RO60: variants seen among roughly 807,000 people sequenced by gnomAD.
RO60 encodes RNA-binding protein RO60.
In RO60, 20 loss-of-function variants were observed where a neutral mutation model predicts 55.3. The observed-to-expected ratio is 0.36, with a 90% CI of 0.25 to 0.53. The LOEUF is 0.53. RO60 is among the 20% of genes least tolerant of loss of function. The probability of loss-of-function intolerance (pLI) is 0.92; values close to 1 mark genes in which losing one functional copy is unlikely to be tolerated. For missense variants in RO60, 558 were observed against 646.6 expected (o/e 0.86, Z 1.49); for synonymous variants, 213 against 213.6 (o/e 1.00, Z 0.02).
At chr1:193,081,987 A>G (rs1674346046) in intron 6 of RO60, among the ~76,000 whole-genome samples, 199 bp from the exon 7 acceptor site, 1 of 152,176 alleles carries the variant, frequency 6.6e-6, no homozygotes, top group African/African-American at 2.4e-5. Flanking sequence ...TATTTGCTTC[A>G]AAGGATAGTC....
rs780253757 is a variant in RO60, at chr1:193,069,121, T to G, written c.67T>G (p.Tyr23Asp). ...EKQIANSQDG[Y>D]VWQVTDMNRL... ...GCAGATAGCCAATTCTCAGGATGGATATGTATGGCAAGTCACTGACATGAA... is the reference window on the plus strand; with the variant it reads ...GCAGATAGCCAATTCTCAGGATGGAGATGTATGGCAAGTCACTGACATGAA... Residue 23 changes from tyrosine to aspartate, a missense_variant, in exon 2 of 9, where the codon TAT (tyrosine) becomes GAT (aspartate). Coordinates refer to ENST00000400968, the MANE Select transcript of RO60 (RefSeq NM_001173524.2). 9 of 1,614,196 alleles carry G rather than the reference T, an allele frequency of 5.6e-6. No individual in the cohort carries two copies. The highest frequency in any genetic ancestry group is 7.6e-6 in the Non-Finnish European group (9 of 1,180,036).
rs927105647 is a variant in RO60 at position 193,085,543 on chromosome 1, CACTGTTTTTCAT to C, written c.*816_*827del. ...AATAACATAGCCAGATGTAGTCTCA[CACTGTTTTTCAT>C]ACTCTTAAGTGTAAATAATATAAAA... On this transcript the variant is annotated 3_prime_UTR_variant, in exon 9 of 9. Coordinates refer to ENST00000400968, the MANE Select transcript of RO60 (RefSeq NM_001173524.2). The C allele has an allele frequency of 7.1e-6, 7 of 984,530 alleles. No individual in the cohort carries two copies. Among genetic ancestry groups the C allele is most frequent in the Non-Finnish European group, 7.2e-6 (6 of 829,576 alleles). 61.0% of individuals were successfully genotyped at this position (984,530 alleles called of 1,614,324 possible).
At chr1:193,071,346 C>T (rs1356908641) in intron 2 of RO60, among the ~76,000 whole-genome samples, 3 of 152,196 alleles carry the variant, frequency 2.0e-5, no homozygotes, top group Non-Finnish European at 4.4e-5. Flanking sequence ...ACATATATTA[C>T]TGTGTTTCAC....
At chr1:193,081,332 T>C in intron 5 of RO60, 32 bp from the exon 6 acceptor site, 1 of 1,238,212 alleles carries the variant, frequency 8.1e-7, no homozygotes, top group Non-Finnish European at 1.2e-6. Context: ...ATTTCTGTTA[T>C]GCTTTTAATG....
Position 193,069,178 on chromosome 1 carries a change from G to A in RO60, c.124G>A (p.Glu42Lys), listed in dbSNP as rs1673313940. 1.2e-6 allele frequency: 2 copies of A among 1,614,238 alleles called. No homozygotes were observed. Among genetic ancestry groups the A allele is most frequent in the East Asian group, 2.2e-5 (1 of 44,890 alleles). The stretch of plus-strand genomic sequence containing the variant: ...ACACCGGTTCTTATGTTTCGGTTCT[G>A]AAGGTGGGACTTATTATATCAAAGA... Reference protein sequence around the residue: ...RLHRFLCFGSEGGTYYIKEQK... With the variant: ...RLHRFLCFGSKGGTYYIKEQK... Residue 42 changes from glutamate (E) to lysine (K), a missense_variant, in exon 2 of 9, where the codon GAA (glutamate) becomes AAA (lysine). By Grantham distance (56) the Glu-to-Lys change is moderately conservative. Coordinates refer to ENST00000400968, the MANE Select transcript of RO60 (RefSeq NM_001173524.2).
In RO60 at chr1:193,085,610, A is replaced by G; in HGVS notation, c.*879A>G. 1.0e-6 allele frequency: 1 copy of G among 984,566 alleles called. No individual in the cohort carries two copies. The highest frequency in any genetic ancestry group is 1.2e-6 in the Non-Finnish European group (1 of 829,194). The allele number at this position is 984,566 out of a possible 1,614,324, so 61.0% of individuals were successfully genotyped here. On this transcript the variant is annotated 3_prime_UTR_variant, in exon 9 of 9. Transcript: ENST00000400968. ...TCAAGCGCTTAACTCCCCCTCATTC[A>G]CAAAGTATAACAATTAAAATCTCAA...
At chr1:193,063,495 C>T (rs182095488) in intron 1 of RO60, among the ~76,000 whole-genome samples, 1,738 of 152,164 alleles carry the variant, frequency 0.011, 21 homozygotes, top group Non-Finnish European at 0.017. Flanking sequence ...CAAATATTTT[C>T]CTTTTTCTTG....
At position 193,084,112 on chromosome 1, in the gene RO60, T is replaced by C. The variant is rs546667749; in HGVS notation, c.1465-467T>C. Among the ~76,000 whole-genome samples, 46 of 152,354 alleles carry C rather than the reference T, an allele frequency of 3.0e-4. 1 individual carries two copies. The South Asian group carries it at 8.1e-3, about 27-fold the overall frequency. On this transcript the variant is annotated intron_variant, in intron 8 of 8. Coordinates refer to ENST00000400968, the MANE Select transcript of RO60 (RefSeq NM_001173524.2). ...TTTCTCAAAAATTCAATTATTTTAA[T>C]CTTACATTTAGCTGTAGAGGACAAG...
chr1:193,069,605 G>T lies in RO60; in HGVS notation c.551G>T (p.Arg184Ile). The T allele has an allele frequency of 6.2e-7, 1 of 1,613,498 alleles. No homozygotes were observed. Among genetic ancestry groups the T allele is most frequent in the African/African-American group, 1.3e-5 (1 of 75,008 alleles). ...GGCTGGTCTCACAAAGATCTATTAAGATTGTCACATCTTAAACCTTCCAGT... is the reference window on the plus strand; with the variant it reads ...GGCTGGTCTCACAAAGATCTATTAATATTGTCACATCTTAAACCTTCCAGT... ...RNGWSHKDLL[R>I]LSHLKPSSEG... is the part of the protein sequence containing the mutation. Residue 184 changes from arginine (R) to isoleucine (I), a missense_variant, in exon 2 of 9, where the codon AGA (arginine) becomes ATA (isoleucine). Arg to Ile is a moderately conservative substitution (Grantham distance 97). Transcript: ENST00000400968.
At chr1:193,062,722 A>G (rs946234437) in intron 1 of RO60, among the ~76,000 whole-genome samples, 1 of 152,154 alleles carries the variant, frequency 6.6e-6, no homozygotes, top group South Asian at 2.1e-4. Context: ...AGACTAATGT[A>G]CTTTTTATTT....
In RO60 at chr1:193,086,085, T is replaced by C. The variant is rs1048051234; in HGVS notation, c.*1354T>C. 1.1e-5 allele frequency: 10 copies of C among 943,046 alleles called. No individual in the cohort carries two copies. In the Admixed American group the frequency reaches 1.9e-4, roughly 17 times the overall value. 58.4% of individuals were successfully genotyped at this position (943,046 alleles called of 1,614,324 possible). The stretch of plus-strand genomic sequence containing the variant: ...CTCTAAATATTAATTGAAGATTTAC[T>C]GAGGATTTGTAAGGTCCTTCTCGCT... On this transcript the variant is annotated 3_prime_UTR_variant, in exon 9 of 9. Coordinates refer to ENST00000400968, the MANE Select transcript of RO60 (RefSeq NM_001173524.2).
intron 2 of RO60, among the ~76,000 whole-genome samples, chr1:193,071,760 A>G (rs1673521016): frequency 6.7e-6 from 1 of 148,352 alleles, no homozygotes; most frequent in South Asian, 2.1e-4. Flanking sequence ...ATATTGTATA[A>G]TATAGTATAT....
intron 1 of RO60, among the ~76,000 whole-genome samples, chr1:193,067,370 A>G (rs1222044301): frequency 1.3e-5 from 2 of 151,708 alleles, no homozygotes; most frequent in African/African-American, 4.8e-5. Context: ...TTGTATTTTT[A>G]GTAGAGACGG....
At chr1:193,062,074 A>G (rs1558231310) in intron 1 of RO60, among the ~76,000 whole-genome samples, 1 of 152,166 alleles carries the variant, frequency 6.6e-6, no homozygotes, top group African/African-American at 2.4e-5. Context: ...ATTTAATACA[A>G]CATTAGTTGT....
chr1:193,074,289 C>T (rs1299586454), intron 2 of RO60, among the ~76,000 whole-genome samples: 1 of 152,146 alleles, frequency 6.6e-6, no homozygotes, highest in Non-Finnish European at 1.5e-5. Context: ...ATTTCTAGTT[C>T]TAGATCCCTG....
chr1:193,061,408 C>T (rs1365333784), intron 1 of RO60, among the ~76,000 whole-genome samples: 1 of 152,120 alleles, frequency 6.6e-6, no homozygotes, highest in Non-Finnish European at 1.5e-5. Context: ...GAATAATCTG[C>T]AAATGTGTTT....
At position 193,089,278 on chromosome 1, in the gene RO60, G is replaced by A. The variant is rs1005116414; in HGVS notation, c.*4547G>A. The A allele has an allele frequency of 2.6e-5, 4 of 152,084 alleles. No individual in the cohort carries two copies. The highest frequency in any genetic ancestry group is 7.2e-5 in the African/African-American group (3 of 41,430). 9.4% of individuals were successfully genotyped at this position (152,084 alleles called of 1,614,324 possible). A position where few individuals can be genotyped will look rare whatever the true frequency, so the allele number is the denominator to read the frequency against. On this transcript the variant is annotated 3_prime_UTR_variant, in exon 9 of 9. Transcript: ENST00000400968. Reference sequence around the variant, plus strand: ...ATTACTCTTTCAGAAAATAGCAGGTGTCTCAATGCTTTTTTTCCATAATTA... The same window carrying A: ...ATTACTCTTTCAGAAAATAGCAGGTATCTCAATGCTTTTTTTCCATAATTA...
intron 1 of RO60, among the ~76,000 whole-genome samples, chr1:193,065,382 A>T (rs543709241): frequency 6.6e-6 from 1 of 152,336 alleles, no homozygotes; most frequent in South Asian, 2.1e-4. Flanking sequence ...AAATCCCACC[A>T]CTTGGGCCTT....
At chr1:193,060,855 A>G (rs1672584486) in intron 1 of RO60, among the ~76,000 whole-genome samples, 2 of 152,234 alleles carry the variant, frequency 1.3e-5, no homozygotes, top group Admixed American at 1.3e-4. Flanking sequence ...TTTAAGAGGC[A>G]CAGAGTCCAG....
Sources: allele counts gnomAD v4.1 joint callset (sites outside exome capture counted in the v4.1 genomes callset), GRCh38; gene constraint gnomAD v4.1.1; transcripts MANE v1.5; gene names NCBI Gene and HGNC (gene_info 2026-07-23, HGNC 2026-07-21).